Variants in TPTE2 observed in about 807,000 individuals in gnomAD.
TPTE2 encodes the protein transmembrane phosphoinositide 3-phosphatase and tensin homolog 2, also known as phosphatidylinositol 3,4,5-trisphosphate 3-phosphatase TPTE2.
TPTE2 carries 53 observed loss-of-function variants against 78.6 expected under a neutral mutation model. The observed-to-expected ratio is 0.67, with a 90% CI of 0.54 to 0.85. The LOEUF is 0.85. Ranked by LOEUF, TPTE2 falls within the 40% of genes least tolerant of loss-of-function variation. The pLI is 0.00. For synonymous variants in TPTE2, 175 were observed against 206.2 expected (o/e 0.85, Z 1.30); for missense variants, 461 against 623.0 (o/e 0.74, Z 2.77).
In TPTE2 at chr13:19,514,592, AGTGTGT is replaced by A. The variant is rs151110694; in HGVS notation, c.-43-11321_-43-11316del. 9.8e-3 allele frequency among the ~76,000 whole-genome samples: 1,241 copies of A among 126,810 alleles called. 20 individuals are homozygous for A. Among genetic ancestry groups the A allele is most frequent in the South Asian group, 0.057 (191 of 3,340 alleles). 83.2% of individuals were successfully genotyped at this position (126,810 alleles called of 152,430 possible). Reference sequence around the variant, plus strand: ...AGGATACAGCACCAGTACTTCTGAGAGTGTGTGTGTGTGTGTGTGTGTGTGTGTGTG... The same window carrying A: ...AGGATACAGCACCAGTACTTCTGAGAGTGTGTGTGTGTGTGTGTGTGTGTG... On this transcript the variant is annotated intron_variant, in intron 1 of 17. Transcript: ENST00000390680.
Position 19,448,102 on chromosome 13 carries a change from C to T in TPTE2, c.973+1974G>A, listed in dbSNP as rs1380273481. On this transcript the variant is annotated intron_variant, in intron 13 of 19. Coordinates refer to ENST00000400230, the Ensembl canonical transcript of TPTE2. ...GGGAAAGGACAGTCTCTTCAATAAA[C>T]GATACTGGGGAAACTGAATATCCAC... 5.9e-5 allele frequency among the ~76,000 whole-genome samples: 9 copies of T among 152,092 alleles called. No individual in the cohort carries two copies. In the East Asian group the frequency reaches 9.6e-4, roughly 16 times the overall value.
the TPTE2 span, among the ~76,000 whole-genome samples, chr13:19,557,781 T>G: frequency 6.6e-6 from 1 of 152,176 alleles, no homozygotes; most frequent in African/African-American, 2.4e-5. Context: ...AAGGACATCT[T>G]GGAAAGATGG....
intron 4 of TPTE2, among the ~76,000 whole-genome samples, chr13:19,481,176 T>A (rs77671800): frequency 0.019 from 2,023 of 108,868 alleles, no homozygotes; most frequent in South Asian, 0.035. Context: ...AGAATGACTA[T>A]ATGTGGTTAG....
At chr13:19,498,914 C>A (rs899679920) in intron 1 of TPTE2, among the ~76,000 whole-genome samples, 2 of 152,106 alleles carry the variant, frequency 1.3e-5, no homozygotes, top group African/African-American at 4.8e-5. Flanking sequence ...ATCTCACATG[C>A]AGAGACACAC....
intron 15 of TPTE2, among the ~76,000 whole-genome samples, chr13:19,435,946 C>G (rs972336071): frequency 1.3e-5 from 2 of 152,052 alleles, no homozygotes; most frequent in Non-Finnish European, 2.9e-5. Context: ...GGTACTGGAC[C>G]TTCCTACTTT....
At chr13:19,437,956 T>C (rs928855098) in intron 14 of TPTE2, 136 bp downstream of exon 17, 1 of 1,305,078 alleles carries the variant, frequency 7.7e-7, no homozygotes, top group Admixed American at 2.6e-5. Flanking sequence ...AAATAGACTT[T>C]CTAAAAACTG....
chr13:19,483,348 G>C (rs1425317794), intron 3 of TPTE2, among the ~76,000 whole-genome samples: 1 of 152,148 alleles, frequency 6.6e-6, no homozygotes, highest in African/African-American at 2.4e-5. Flanking sequence ...TTTTTGGTTT[G>C]TTCAGGTTTT....
At chr13:19,514,384 T>C (rs1360413515) in intron 1 of TPTE2, among the ~76,000 whole-genome samples, 6 of 152,200 alleles carry the variant, frequency 3.9e-5, no homozygotes, top group Non-Finnish European at 8.8e-5. Flanking sequence ...ATTGTGGTCA[T>C]AGTTGTCAGA....
intron 6 of TPTE2, among the ~76,000 whole-genome samples, chr13:19,468,030 T>C (rs1879385950): frequency 1.8e-5 from 1 of 55,248 alleles, no homozygotes; most frequent in Non-Finnish European, 3.1e-5. Flanking sequence ...GATCTCTTTT[T>C]TTTTTTTTTT....
At chr13:19,483,851 C>T (rs1283952597) in intron 3 of TPTE2, among the ~76,000 whole-genome samples, 1 of 152,044 alleles carries the variant, frequency 6.6e-6, no homozygotes, top group East Asian at 1.9e-4. Context: ...CATATGTATA[C>T]ATGTGCCATG....
At chr13:19,466,230 A>G (rs1346990493) in intron 7 of TPTE2, among the ~76,000 whole-genome samples, 1 of 152,192 alleles carries the variant, frequency 6.6e-6, no homozygotes, top group Non-Finnish European at 1.5e-5. Flanking sequence ...GCTGGGTCCC[A>G]GAGATACTGA....
chr13:19,533,317 A>G (rs1870996823), intron 1 of TPTE2, among the ~76,000 whole-genome samples: 1 of 152,218 alleles, frequency 6.6e-6, no homozygotes, highest in Non-Finnish European at 1.5e-5. Context: ...TCCCATTTCA[A>G]TGTTTGATCA....
In TPTE2 at chr13:19,521,375, AT is replaced by A. The variant is rs1218321657; in HGVS notation, c.-44+15220del. Among the ~76,000 whole-genome samples, 5 of 151,260 alleles carry A rather than the reference AT, an allele frequency of 3.3e-5. 1 individual carries two copies. The highest frequency in any genetic ancestry group is 3.3e-4 in the Admixed American group (5 of 15,192). Reference sequence around the variant, plus strand: ...TCTGTTTTTTTTCTGCTTTTTTATCATGATTCCATCTCTTTATTTAGTTAGT... The same window carrying A: ...TCTGTTTTTTTTCTGCTTTTTTATCAGATTCCATCTCTTTATTTAGTTAGT... On this transcript the variant is annotated intron_variant, in intron 1 of 17. Coordinates refer to the TPTE2 transcript ENST00000390680.
intron 1 of TPTE2, among the ~76,000 whole-genome samples, chr13:19,513,400 A>T (rs1869585421): frequency 1.3e-5 from 2 of 152,216 alleles, no homozygotes; most frequent in African/African-American, 2.4e-5. Context: ...TTTCCCATGA[A>T]TAATTCTGAG....
the TPTE2 span, among the ~76,000 whole-genome samples, chr13:19,544,041 G>A: frequency 4.5e-4 from 47 of 103,480 alleles, no homozygotes; most frequent in Admixed American, 7.5e-4. Context: ...CAGCCTGGGC[G>A]AAGAGTGAGA....
Position 19,493,901 on chromosome 13 carries a change from G to A in TPTE2, c.12-400C>T, listed in dbSNP as rs529526436. On this transcript the variant is annotated intron_variant, in intron 1 of 19. Transcript: ENST00000400230. ...TTCACCCAGCATGGTGGTTTCTCAT[G>A]CCCCACAAAAAGGGTCAGGTAACTA... 2.1e-4 allele frequency among the ~76,000 whole-genome samples: 32 copies of A among 152,224 alleles called. 1 individual carries two copies. The highest frequency in any genetic ancestry group is 7.0e-4 in the African/African-American group (29 of 41,534).
chr13:19,503,150 T>TGTGA, intron 1 of TPTE2, 74 bp downstream of exon 4: 2 of 1,602,658 alleles, frequency 1.2e-6, no homozygotes, highest in Non-Finnish European at 1.7e-6. Context: ...TATTTGTTTA[T>TGTGA]GTGCCTGTGT....
the TPTE2 span, among the ~76,000 whole-genome samples, chr13:19,550,616 G>A: frequency 6.6e-6 from 1 of 152,074 alleles, no homozygotes. Flanking sequence ...CTCATATAAT[G>A]AGTACTATTA....
chr13:19,519,665 A>G (rs1407277441), intron 1 of TPTE2, among the ~76,000 whole-genome samples: 1 of 152,178 alleles, frequency 6.6e-6, no homozygotes, highest in Non-Finnish European at 1.5e-5. Flanking sequence ...GTACTACACA[A>G]TTTTAACCAC....
Sources: allele counts gnomAD v4.1 joint callset (sites outside exome capture counted in the v4.1 genomes callset), GRCh38; gene constraint gnomAD v4.1.1; transcripts MANE v1.5; gene names NCBI Gene and HGNC (gene_info 2026-07-23, HGNC 2026-07-21).